SF3B2: variants seen among roughly 807,000 people sequenced by gnomAD.
The protein encoded by SF3B2 is splicing factor 3b subunit 2.
A neutral mutation model predicts 116.3 loss-of-function variants in SF3B2; 22 were observed. The ratio of observed to expected loss-of-function variants is 0.19; its 90% CI spans 0.14 to 0.27. The LOEUF is 0.27. SF3B2 is among the 10% of genes least tolerant of loss of function. The probability of loss-of-function intolerance (pLI) is 1.00; values close to 1 mark genes in which losing one functional copy is unlikely to be tolerated. For synonymous variants in SF3B2, 406 were observed against 421.6 expected (o/e 0.96, Z 0.45); for missense variants, 767 against 1,151.4 (o/e 0.67, Z 4.83).
intron 3 of SF3B2, among the ~76,000 whole-genome samples, chr11:66,054,268 C>T (rs1278945027): frequency 1.3e-5 from 2 of 151,186 alleles, no homozygotes; most frequent in Non-Finnish European, 2.9e-5. Flanking sequence ...CTTGAGGTCA[C>T]GAGTTCAAGA....
At chr11:66,058,519 G>A (rs186673383) in intron 9 of SF3B2, 114 bp downstream of exon 9, 762 of 784,412 alleles carry the variant, frequency 9.7e-4, no homozygotes, top group Non-Finnish European at 1.4e-3. Context: ...GCCAATTTCC[G>A]CCCTCAGCAT....
chr11:66,068,359 T>G, intron 21 of SF3B2, 26 bp downstream of exon 21: 2 of 1,554,836 alleles, frequency 1.3e-6, no homozygotes, highest in Non-Finnish European at 1.7e-6. Context: ...GGCGCTGGGC[T>G]GGGTGAGAGC....
chr11:66,064,733 C>T (rs1857152520), intron 19 of SF3B2: 1 of 152,068 alleles, frequency 6.6e-6, no homozygotes, highest in African/African-American at 2.4e-5. Context: ...ACTCTCAGTA[C>T]TTTGGGAGAA....
chr11:66,061,376 C>G (rs879284769), intron 14 of SF3B2, among the ~76,000 whole-genome samples: 3 of 152,148 alleles, frequency 2.0e-5, no homozygotes, highest in Non-Finnish European at 4.4e-5. Flanking sequence ...TCCTTGAAAT[C>G]GTAGTCACCA....
intron 2 of SF3B2, 83 bp from the exon 3 acceptor site, chr11:66,052,944 G>A (rs1173425517): frequency 5.6e-6 from 8 of 1,427,792 alleles, no homozygotes; most frequent in Non-Finnish European, 4.0e-6. Flanking sequence ...CACTGGGTAC[G>A]TTTTGTTGAA....
At chr11:66,055,469 G>C (rs1290564937) in intron 4 of SF3B2, 66 bp from the exon 5 acceptor site, 1 of 1,604,542 alleles carries the variant, frequency 6.2e-7, no homozygotes, top group East Asian at 2.2e-5. Flanking sequence ...ATCTCAAGAA[G>C]CAAGAGTTGT....
At chr11:66,057,450 A>C in intron 7 of SF3B2, 75 bp downstream of exon 7, 1 of 770,656 alleles carries the variant, frequency 1.3e-6, no homozygotes. Context: ...TTTTTAGAGA[A>C]AGGTTCTGTG....
chr11:66,057,137 C>G, intron 6 of SF3B2, 129 bp from the exon 7 acceptor site: 1 of 863,136 alleles, frequency 1.2e-6, no homozygotes, highest in Non-Finnish European at 2.0e-6. Context: ...ACATTACCAG[C>G]ATTCCAAAAG....
At chr11:66,058,527 C>A in intron 9 of SF3B2, 122 bp downstream of exon 9, 1 of 728,076 alleles carries the variant, frequency 1.4e-6, no homozygotes, top group Non-Finnish European at 2.3e-6. Flanking sequence ...CCGCCCTCAG[C>A]ATCTTATAGA....
chr11:66,063,785 T>C (rs1857135394), intron 19 of SF3B2, 56 bp downstream of exon 19: 3 of 1,388,952 alleles, frequency 2.2e-6, no homozygotes, highest in Non-Finnish European at 2.9e-6. Context: ...TTTGGCTGGC[T>C]GGCTGACTGT....
intron 9 of SF3B2, 81 bp downstream of exon 9, chr11:66,058,486 G>A (rs1857042723): frequency 9.5e-7 from 1 of 1,055,018 alleles, no homozygotes; most frequent in East Asian, 2.4e-5. Flanking sequence ...TAAGTGTTCA[G>A]TAAGTAATAG....
chr11:66,055,480 G>A, intron 4 of SF3B2, 55 bp from the exon 5 acceptor site: 1 of 1,607,448 alleles, frequency 6.2e-7, no homozygotes, highest in Admixed American at 1.7e-5. Context: ...CAAGAGTTGT[G>A]GCAGATTGGC....
intron 8 of SF3B2, 64 bp from the exon 9 acceptor site, chr11:66,058,250 G>T: frequency 1.3e-6 from 2 of 1,579,068 alleles, no homozygotes; most frequent in Non-Finnish European, 8.7e-7. Context: ...GTAAAGGCAG[G>T]TTACTGTGAA....
chr11:66,059,886 C>T lies in SF3B2; in HGVS notation c.1506C>T (p.Arg502=), dbSNP rs1181332801. Residue 502 remains arginine (R), a synonymous_variant, in exon 13 of 22, where the codon CGC becomes CGT. Transcript: ENST00000322535. This position sits in a 1 kb window ranked among gnomAD's most constrained non-coding sequence, Gnocchi z 5.0. ...KATRNSVPVP[R]HWCFKRKYLQ... is the part of the protein sequence containing the mutation. ...CTCGGAACTCTGTGCCTGTGCCACG[C>T]CACTGGTGTTTTAAGCGCAAATACC... The T allele has an allele frequency of 6.2e-7, 1 of 1,614,222 alleles. No homozygotes were observed. The highest frequency in any genetic ancestry group is 1.7e-5 in the Admixed American group (1 of 60,032).
In SF3B2 at chr11:66,055,536, A is replaced by T; in HGVS notation, c.500A>T (p.Gln167Leu). Residue 167 changes from glutamine (Q) to leucine (L), a missense_variant and splice_region_variant, in exon 5 of 22, where the codon CAG becomes CTG. By Grantham distance (113) the Gln-to-Leu change is moderately radical (BLOSUM62 -2). Transcript: ENST00000322535. ...TATGAACTTGTTTTCTTTTTTAAGC[A>T]GGGAGATCATTCGCTGAAGGAACAT... is the stretch of plus-strand genomic sequence containing the variant. The part of the protein sequence containing the change: ...LMQQEERAKQ[Q>L]GDHSLKEHEL... 6.2e-7 allele frequency: 1 copy of T among 1,614,200 alleles called. No homozygotes were observed. The highest frequency in any genetic ancestry group is 8.5e-7 in the Non-Finnish European group (1 of 1,180,028).
intron 13 of SF3B2, 115 bp from the exon 14 acceptor site, chr11:66,060,467 C>T: frequency 1.6e-6 from 2 of 1,271,074 alleles, no homozygotes. Flanking sequence ...ATTTTGATGA[C>T]TTTCAGGGTG....
chr11:66,052,632 C>T (rs940045101), intron 1 of SF3B2, 41 bp from the exon 2 acceptor site: 13 of 1,593,376 alleles, frequency 8.2e-6, no homozygotes, highest in African/African-American at 2.7e-5. Flanking sequence ...CTGACCTGGC[C>T]GGGCTGGCCT....
rs1445141831 is a variant in SF3B2 at position 66,059,859 on chromosome 11, C to T, written c.1479C>T (p.Ala493=). The T allele has an allele frequency of 3.7e-6, 6 of 1,614,112 alleles. No homozygotes were observed. In the Admixed American group the frequency reaches 6.7e-5, roughly 18 times the overall value. The change falls in exon 13 of 22, where the codon GCC becomes GCT. Residue 493 remains alanine, a synonymous_variant. Coordinates refer to ENST00000322535, the MANE Select transcript of SF3B2 (RefSeq NM_006842.3). The surrounding 1 kb of genome is among the most constrained non-coding windows in gnomAD (Gnocchi z 5.0). ...QDPKLLVHLK[A]TRNSVPVPRH... ...CTAAGCTCTTGGTTCACCTCAAGGC[C>T]ACTCGGAACTCTGTGCCTGTGCCAC...
chr11:66,063,869 A>C, intron 19 of SF3B2, 140 bp downstream of exon 19: 1 of 579,430 alleles, frequency 1.7e-6, no homozygotes, highest in Non-Finnish European at 2.9e-6. Flanking sequence ...GTAGGCAGTG[A>C]GGAGTCAGCA....
Sources: allele counts gnomAD v4.1 joint callset (sites outside exome capture counted in the v4.1 genomes callset), GRCh38; gene constraint gnomAD v4.1.1; non-coding constraint Gnocchi (gnomAD v3.1); transcripts MANE v1.5; gene names NCBI Gene and HGNC (gene_info 2026-07-23, HGNC 2026-07-21).